Variants in NUMB observed in about 807,000 individuals in gnomAD.
NUMB encodes the protein NUMB endocytic adaptor protein.
In NUMB, 29 loss-of-function variants were observed where a neutral mutation model predicts 59.7. That is an observed-to-expected ratio of 0.49 (90% CI 0.36 to 0.66). The LOEUF is 0.66. NUMB is among the 30% of genes least tolerant of loss of function. The pLI, the probability that NUMB is intolerant of heterozygous loss-of-function variation, is 0.00. For synonymous variants in NUMB, 288 were observed against 288.2 expected (o/e 1.00, Z 0.01); for missense variants, 723 against 822.0 (o/e 0.88, Z 1.47).
chr14:73,313,834 A>ATC (rs146026704), intron 6 of NUMB, among the ~76,000 whole-genome samples: 2 of 149,986 alleles, frequency 1.3e-5, no homozygotes, highest in Non-Finnish European at 3.0e-5. Context: ...TTGAGATGGA[A>ATC]TCTCTCTCTG....
chr14:73,373,660 G>C (rs1431548795), intron 2 of NUMB, among the ~76,000 whole-genome samples: 1 of 150,454 alleles, frequency 6.6e-6, no homozygotes, highest in African/African-American at 2.4e-5. Context: ...ATAATTTGCA[G>C]TATCAGAATG....
At chr14:73,352,879 G>A (rs1893494144) in intron 4 of NUMB, among the ~76,000 whole-genome samples, 1 of 150,774 alleles carries the variant, frequency 6.6e-6, no homozygotes, top group South Asian at 2.1e-4. Context: ...TCTAACTAAA[G>A]TCTGTTTCCC....
At chr14:73,428,675 A>G (rs560005373) in intron 1 of NUMB, among the ~76,000 whole-genome samples, 1 of 152,212 alleles carries the variant, frequency 6.6e-6, no homozygotes, top group Non-Finnish European at 1.5e-5. Context: ...CCTGAGTCCC[A>G]GCTACTCAGG....
intron 3 of NUMB, among the ~76,000 whole-genome samples, 170 bp downstream of exon 3, chr14:73,366,727 G>T (rs1414307750): frequency 6.6e-6 from 1 of 152,172 alleles, no homozygotes; most frequent in Non-Finnish European, 1.5e-5. Context: ...ATATTGAAAA[G>T]ATATGTGAAA....
chr14:73,281,720 A>G (rs934268605), intron 11 of NUMB, among the ~76,000 whole-genome samples: 1 of 152,238 alleles, frequency 6.6e-6, no homozygotes, highest in Non-Finnish European at 1.5e-5. Context: ...GTTATAGAAG[A>G]TGAACTAAAG....
intron 4 of NUMB, among the ~76,000 whole-genome samples, chr14:73,333,060 C>T (rs1594916143): frequency 6.6e-6 from 1 of 152,250 alleles, no homozygotes; most frequent in South Asian, 2.1e-4. Context: ...ATGTATTTTT[C>T]TTGAAGTACC....
At chr14:73,388,750 G>A (rs977088781) in intron 2 of NUMB, among the ~76,000 whole-genome samples, 12 of 151,976 alleles carry the variant, frequency 7.9e-5, no homozygotes, top group African/African-American at 2.4e-4. Flanking sequence ...ATCACTTGAG[G>A]TCAGGAGTTG....
intron 2 of NUMB, among the ~76,000 whole-genome samples, chr14:73,399,783 C>T (rs1896319863): frequency 6.6e-6 from 1 of 151,976 alleles, no homozygotes; most frequent in Admixed American, 6.6e-5. Flanking sequence ...GTGGCTCACA[C>T]CTGTAATCCC....
rs962859814 is a variant in NUMB, at chr14:73,423,866, T to G, written c.-232-13798A>C. ...CTGTAATTCCAGCTACTTGGGAGGG[T>G]GAGGCAGGAGAATCGCTTGAACCCG... On this transcript the variant is annotated intron_variant, in intron 1 of 12. Coordinates refer to ENST00000555238, the MANE Select transcript of NUMB (RefSeq NM_001005743.2). Among the ~76,000 whole-genome samples, 3 of 145,630 alleles carry G rather than the reference T, an allele frequency of 2.1e-5. No individual in the cohort carries two copies. In the Admixed American group the frequency reaches 2.2e-4, roughly 10 times the overall value.
At chr14:73,348,228 G>T (rs1893014058) in intron 4 of NUMB, among the ~76,000 whole-genome samples, 1 of 152,124 alleles carries the variant, frequency 6.6e-6, no homozygotes, top group Admixed American at 6.5e-5. Context: ...TTCTCCTATT[G>T]TACTCTGGGA....
At chr14:73,331,095 C>A (rs1891950147) in intron 4 of NUMB, among the ~76,000 whole-genome samples, 1 of 150,238 alleles carries the variant, frequency 6.7e-6, no homozygotes, top group Middle Eastern at 3.2e-3. Flanking sequence ...ATCTCAAGGT[C>A]TTAAAGTGCT....
chr14:73,327,736 T>C (rs139145408), intron 4 of NUMB, among the ~76,000 whole-genome samples: 291 of 152,128 alleles, frequency 1.9e-3, no homozygotes, highest in African/African-American at 6.7e-3. Context: ...CTGTAGGACA[T>C]AGATTTACTC....
At chr14:73,366,479 G>GT (rs1156439709) in intron 3 of NUMB, among the ~76,000 whole-genome samples, 1 of 152,124 alleles carries the variant, frequency 6.6e-6, no homozygotes, top group East Asian at 1.9e-4. Flanking sequence ...TGCTTACTGT[G>GT]TGCCAGGCAT....
chr14:73,303,441 G>A (rs960287390), intron 6 of NUMB, among the ~76,000 whole-genome samples: 4 of 152,070 alleles, frequency 2.6e-5, no homozygotes, highest in Non-Finnish European at 4.4e-5. Flanking sequence ...TCAGCCGGGC[G>A]TGGTGACATG....
intron 2 of NUMB, among the ~76,000 whole-genome samples, chr14:73,381,462 G>A (rs1016098244): frequency 2.0e-5 from 3 of 152,128 alleles, no homozygotes; most frequent in Non-Finnish European, 4.4e-5. Flanking sequence ...AACCTGCCAT[G>A]CTTCTTTTCC....
chr14:73,380,529 C>T (rs944516257), intron 2 of NUMB, among the ~76,000 whole-genome samples: 1 of 152,028 alleles, frequency 6.6e-6, no homozygotes, highest in African/African-American at 2.4e-5. Context: ...AGTCTTAACC[C>T]CCAACTCTGA....
chr14:73,387,701 C>T (rs1397778553), intron 2 of NUMB, among the ~76,000 whole-genome samples: 1 of 150,508 alleles, frequency 6.6e-6, no homozygotes, highest in East Asian at 1.9e-4. Flanking sequence ...CTACTGCACT[C>T]CAGCCTGGGC....
intron 4 of NUMB, among the ~76,000 whole-genome samples, chr14:73,337,384 C>G (rs950653935): frequency 2.0e-5 from 3 of 152,056 alleles, no homozygotes; most frequent in African/African-American, 7.2e-5. Context: ...GCCTGTAATC[C>G]CAGCTACTCG....
intron 4 of NUMB, among the ~76,000 whole-genome samples, chr14:73,332,578 C>G (rs915837056): frequency 6.6e-6 from 1 of 151,650 alleles, no homozygotes; most frequent in Non-Finnish European, 1.5e-5. Context: ...TTCTTTCTCT[C>G]CTAGGCTGCT....
Sources: allele counts gnomAD v4.1 joint callset (sites outside exome capture counted in the v4.1 genomes callset), GRCh38; gene constraint gnomAD v4.1.1; transcripts MANE v1.5; gene names NCBI Gene and HGNC (gene_info 2026-07-23, HGNC 2026-07-21).